The following NUMB variants were observed in gnomAD, a reference collection of about 807,000 sequenced individuals.
The protein encoded by NUMB is protein numb homolog.
Under a neutral mutation model 59.7 loss-of-function variants are expected in NUMB, and 29 were observed. The observed-to-expected ratio is 0.49, with a 90% confidence interval of 0.36 to 0.66. NUMB has a LOEUF of 0.66. Ranked by LOEUF, NUMB falls within the 30% of genes least tolerant of loss-of-function variation. The pLI is 0.00. For synonymous variants in NUMB, 288 were observed against 288.2 expected (o/e 1.00, Z 0.01); for missense variants, 723 against 822.0 (o/e 0.88, Z 1.47).
In NUMB at chr14:73,410,012, T is replaced by C. The variant is rs1157035246; in HGVS notation, c.-176A>G. Reference sequence around the variant, plus strand: ...TATGGATATAGATCAAGATCTTGAATTGTAACAGTGGCTGCACTGGCACTC... The same window carrying C: ...TATGGATATAGATCAAGATCTTGAACTGTAACAGTGGCTGCACTGGCACTC... On this transcript the variant is annotated 5_prime_UTR_variant, in exon 2 of 13. Transcript: ENST00000555238. 1 of 152,244 alleles carries C rather than the reference T, an allele frequency of 6.6e-6. No homozygotes were observed. Among genetic ancestry groups the C allele is most frequent in the African/African-American group, 2.4e-5 (1 of 41,472 alleles). The allele number at this position is 152,244 out of a possible 1,614,324, so 9.4% of individuals were successfully genotyped here. A position where few individuals can be genotyped will look rare whatever the true frequency, so the allele number is the denominator to read the frequency against.
At chr14:73,445,354 CAAAAAAAAAAA>C (rs752154048) in intron 1 of NUMB, among the ~76,000 whole-genome samples, 183 of 57,414 alleles carry the variant, frequency 3.2e-3, no homozygotes, top group Middle Eastern at 0.019. Flanking sequence ...GACCCTGTCT[CAAAAAAAAAAA>C]AAAAAAAAAA....
At chr14:73,339,048 G>A (rs1892496854) in intron 4 of NUMB, among the ~76,000 whole-genome samples, 1 of 152,102 alleles carries the variant, frequency 6.6e-6, no homozygotes, top group Non-Finnish European at 1.5e-5. Context: ...ACATTTGCAG[G>A]TATCTTACCC....
intron 2 of NUMB, among the ~76,000 whole-genome samples, chr14:73,369,879 G>A (rs1225277347): frequency 6.6e-6 from 1 of 152,144 alleles, no homozygotes; most frequent in Non-Finnish European, 1.5e-5. Context: ...CCTGCTTCCA[G>A]TCACTTCCTG....
chr14:73,289,435 T>C (rs1889239536), intron 8 of NUMB, among the ~76,000 whole-genome samples: 1 of 152,192 alleles, frequency 6.6e-6, no homozygotes, highest in African/African-American at 2.4e-5. Flanking sequence ...AAGCTAGAGA[T>C]GGTACAATAA....
intron 2 of NUMB, among the ~76,000 whole-genome samples, chr14:73,372,305 T>TTTTATATA (rs375615684): frequency 3.5e-4 from 30 of 85,998 alleles, no homozygotes; most frequent in African/African-American, 1.3e-3. Context: ...TATATTTCTT[T>TTTTATATA]TATATATATA....
intron 12 of NUMB, 92 bp from the exon 13 acceptor site, chr14:73,277,385 C>T: frequency 1.0e-6 from 1 of 967,906 alleles, no homozygotes; most frequent in Non-Finnish European, 1.5e-6. Flanking sequence ...CTAACATGTA[C>T]AACATGTCCC....
At chr14:73,355,501 A>T in intron 4 of NUMB, 125 bp downstream of exon 4, 1 of 703,610 alleles carries the variant, frequency 1.4e-6, no homozygotes, top group Non-Finnish European at 2.1e-6. Flanking sequence ...TCTATCATTG[A>T]AGCAGAATGT....
At chr14:73,382,658 T>C (rs1275900089) in intron 2 of NUMB, among the ~76,000 whole-genome samples, 1 of 152,086 alleles carries the variant, frequency 6.6e-6, no homozygotes, top group Non-Finnish European at 1.5e-5. Flanking sequence ...ATTACAACAA[T>C]GTCATCTACT....
chr14:73,370,070 A>G (rs1486345028), intron 2 of NUMB, among the ~76,000 whole-genome samples: 3 of 151,928 alleles, frequency 2.0e-5, no homozygotes, highest in Non-Finnish European at 4.4e-5. Context: ...TATGATTTGA[A>G]TGTTTGTCTC....
intron 3 of NUMB, 72 bp from the exon 4 acceptor site, chr14:73,355,838 A>C: frequency 8.4e-7 from 1 of 1,197,478 alleles, no homozygotes; most frequent in South Asian, 1.5e-5. Flanking sequence ...GGATTACCAT[A>C]CTAACCAAAA....
chr14:73,280,864 T>C (rs1490303817), intron 11 of NUMB, among the ~76,000 whole-genome samples: 1 of 151,844 alleles, frequency 6.6e-6, no homozygotes, highest in African/African-American at 2.4e-5. Flanking sequence ...CGGCTAACTT[T>C]TGTATTTTTA....
chr14:73,444,718 G>A (rs779767433), intron 1 of NUMB, among the ~76,000 whole-genome samples: 23 of 151,904 alleles, frequency 1.5e-4, no homozygotes, highest in Non-Finnish European at 2.9e-4. Flanking sequence ...TTAGCCAGGC[G>A]TGGTGGCGTG....
chr14:73,381,019 GA>G (rs1237403254), intron 2 of NUMB, among the ~76,000 whole-genome samples: 14 of 151,998 alleles, frequency 9.2e-5, no homozygotes, highest in African/African-American at 3.4e-4. Context: ...CACTGCACCC[GA>G]CCTCAATTAG....
At chr14:73,435,571 G>A (rs542560994) in intron 1 of NUMB, among the ~76,000 whole-genome samples, 1 of 151,850 alleles carries the variant, frequency 6.6e-6, no homozygotes, top group South Asian at 2.1e-4. Flanking sequence ...ACTGCACCCA[G>A]CCGGCAATTT....
At chr14:73,371,074 C>A (rs1894650735) in intron 2 of NUMB, among the ~76,000 whole-genome samples, 1 of 152,178 alleles carries the variant, frequency 6.6e-6, no homozygotes, top group South Asian at 2.1e-4. Context: ...CAGGCGTGAG[C>A]CCGCATCAGG....
chr14:73,319,112 A>T (rs1891252924), intron 5 of NUMB, among the ~76,000 whole-genome samples: 1 of 152,080 alleles, frequency 6.6e-6, no homozygotes, highest in African/African-American at 2.4e-5. Flanking sequence ...CGTCTCATAC[A>T]ATTAGCTGAG....
intron 2 of NUMB, among the ~76,000 whole-genome samples, chr14:73,387,956 C>CAAAAAAAAAAAA (rs66701940): frequency 1.1e-5 from 1 of 94,414 alleles, no homozygotes. Context: ...CTGTCTCTAC[C>CAAAAAAAAAAAA]AAAAAAAAAA....
At chr14:73,345,416 T>C (rs1892861700) in intron 4 of NUMB, among the ~76,000 whole-genome samples, 1 of 152,032 alleles carries the variant, frequency 6.6e-6, no homozygotes, top group African/African-American at 2.4e-5. Context: ...ATCAAAGCAT[T>C]TGGACACCAA....
chr14:73,382,856 C>T (rs1160876927), intron 2 of NUMB, among the ~76,000 whole-genome samples: 1 of 152,076 alleles, frequency 6.6e-6, no homozygotes, highest in African/African-American at 2.4e-5. Flanking sequence ...AGGAAAAGAT[C>T]AAATAGGAGC....
Sources: allele counts gnomAD v4.1 joint callset (sites outside exome capture counted in the v4.1 genomes callset), GRCh38; gene constraint gnomAD v4.1.1; transcripts MANE v1.5; gene names NCBI Gene and HGNC (gene_info 2026-07-23, HGNC 2026-07-21).